Variants in TRPA1 observed in about 807,000 individuals in gnomAD.
The protein encoded by TRPA1 is transient receptor potential cation channel subfamily A member 1.
Under a neutral mutation model 131.3 loss-of-function variants are expected in TRPA1, and 129 were observed. The ratio of observed to expected loss-of-function variants is 0.98; its 90% CI spans 0.85 to 1.14. The LOEUF (loss-of-function observed/expected upper bound fraction) is 1.14, where lower values mean the gene tolerates loss of function less well. TRPA1 is among the 50% of genes most tolerant of loss of function. The pLI, the probability that TRPA1 is intolerant of heterozygous loss-of-function variation, is 0.00. For missense variants in TRPA1, 1,304 were observed against 1,354.2 expected, an observed-to-expected ratio of 0.96 and a Z score of 0.58; for synonymous variants, 441 against 451.7, an observed-to-expected ratio of 0.98 and a Z score of 0.30.
At chr8:72,080,039 T>C (rs1228935919), upstream of TRPA1, among the ~76,000 whole-genome samples, 1 of 151,974 alleles carries the variant, frequency 6.6e-6, no homozygotes, top group Non-Finnish European at 1.5e-5. Context: ...TTATTAATTC[T>C]AGTAGATTTT....
At chr8:72,082,737 T>C in the TRPA1 span, among the ~76,000 whole-genome samples, 1 of 152,058 alleles carries the variant, frequency 6.6e-6, no homozygotes, top group Non-Finnish European at 1.5e-5. Context: ...TCAAGATTTT[T>C]CTCTGTCTTT....
intron 12 of TRPA1, chr8:72,054,307 T>G: frequency 4.7e-6 from 1 of 214,752 alleles, no homozygotes; most frequent in Non-Finnish European, 9.4e-6. Flanking sequence ...GTAATACTAC[T>G]AGTAATATGA....
the TRPA1 span, among the ~76,000 whole-genome samples, chr8:72,081,126 A>G: frequency 6.6e-6 from 1 of 151,280 alleles, no homozygotes. Context: ...TCAGTTGTTG[A>G]TTTTGGATCT....
chr8:72,043,610 A>C (rs180943077), intron 17 of TRPA1, among the ~76,000 whole-genome samples: 1 of 151,764 alleles, frequency 6.6e-6, no homozygotes, highest in East Asian at 1.9e-4. Flanking sequence ...TATCCTTTCA[A>C]TTTTCTCCCT....
upstream of TRPA1, among the ~76,000 whole-genome samples, chr8:72,080,230 G>A (rs1563410783): frequency 6.6e-6 from 1 of 151,704 alleles, no homozygotes; most frequent in African/African-American, 2.4e-5. Flanking sequence ...CCAATCTTAG[G>A]GGGAAAGCAA....
At chr8:72,068,918 G>T in intron 3 of TRPA1, 105 bp downstream of exon 3, 1 of 1,155,196 alleles carries the variant, frequency 8.7e-7, no homozygotes, top group Non-Finnish European at 1.3e-6. Flanking sequence ...TGTTTGCCAT[G>T]GAAGCTTAGA....
chr8:72,025,548 G>T (rs1205311123), intron 25 of TRPA1, among the ~76,000 whole-genome samples: 1 of 152,110 alleles, frequency 6.6e-6, no homozygotes, highest in African/African-American at 2.4e-5. Context: ...GTGTAAATGT[G>T]TGTTCTTTAT....
chr8:72,088,711 C>T, the TRPA1 span, among the ~76,000 whole-genome samples: 1 of 152,084 alleles, frequency 6.6e-6, no homozygotes, highest in Non-Finnish European at 1.5e-5. Context: ...AAATTACACA[C>T]CCACACCCAC....
intron 23 of TRPA1, among the ~76,000 whole-genome samples, chr8:72,031,313 T>C (rs372808795): frequency 1.3e-3 from 204 of 152,240 alleles, no homozygotes; most frequent in African/African-American, 4.7e-3. Context: ...GCGCAGCATT[T>C]TACATCTGTA....
intron 16 of TRPA1, 41 bp downstream of exon 16, chr8:72,047,107 A>C (rs774819724): frequency 4.2e-6 from 6 of 1,430,912 alleles, no homozygotes; most frequent in Admixed American, 3.4e-5. Flanking sequence ...AAAGAATTAT[A>C]ACAAAATAAA....
rs181695466 is a variant in TRPA1 at position 72,039,177 on chromosome 8, T to G, written c.2133-150A>C. On this transcript the variant is annotated intron_variant, in intron 18 of 26. Transcript: ENST00000262209. ...GATCAAGTAAATCTTCTAATTCACC[T>G]TTTTCATTTTCAGAGAAGGAACCTC... 3,531 of 782,030 alleles carry G rather than the reference T, an allele frequency of 4.5e-3. 7 individuals are homozygous for G. The highest frequency in any genetic ancestry group is 7.8e-3 in the Middle Eastern group (21 of 2,690). 48.4% of individuals were successfully genotyped at this position (782,030 alleles called of 1,614,324 possible).
chr8:72,078,979 T>C (rs1313456142), upstream of TRPA1, among the ~76,000 whole-genome samples: 2 of 152,016 alleles, frequency 1.3e-5, no homozygotes, highest in Admixed American at 6.5e-5. Flanking sequence ...GAGTCTCTAA[T>C]TAGTATTTCC....
intron 5 of TRPA1, 108 bp downstream of exon 5, chr8:72,063,355 G>T (rs1805852337): frequency 1.3e-6 from 1 of 772,372 alleles, no homozygotes; most frequent in Non-Finnish European, 2.1e-6. Context: ...ACTCCAGCCT[G>T]GGTGACAGAG....
Position 72,023,128 on chromosome 8 carries a change from T to C in TRPA1, c.3150-12A>G, listed in dbSNP as rs771147928. On this transcript the variant is annotated splice_polypyrimidine_tract_variant and intron_variant, in intron 26 of 26. Transcript: ENST00000262209. ...TAAGATCCTTCAGCCTAAAAGGACA[T>C]ACACATTTCATGAATTTATTTTCAG... The C allele has an allele frequency of 7.5e-6, 12 of 1,610,428 alleles. No homozygotes were observed. Among genetic ancestry groups the C allele is most frequent in the Non-Finnish European group, 1.0e-5 (12 of 1,178,472 alleles).
chr8:72,033,596 A>G (rs781198252), intron 23 of TRPA1, 48 bp downstream of exon 23: 4 of 1,502,320 alleles, frequency 2.7e-6, no homozygotes, highest in Admixed American at 1.7e-5. Flanking sequence ...TCATTATAAA[A>G]TGTTTCAAAT....
upstream of TRPA1, among the ~76,000 whole-genome samples, chr8:72,077,146 A>G (rs1047708646): frequency 6.6e-6 from 1 of 152,134 alleles, no homozygotes; most frequent in Non-Finnish European, 1.5e-5. Context: ...TTCTCACAAC[A>G]CTTAGCTGGA....
Position 72,069,791 on chromosome 8 carries a change from GGA to G in TRPA1, c.269-595_269-594del, listed in dbSNP as rs139984689. On this transcript the variant is annotated intron_variant, in intron 2 of 26. Transcript: ENST00000262209. Reference sequence around the variant, plus strand: ...TTCATATACCTACACACACACACAGGGAGAGAGAGAGAGAGAAGAGAACGAGA... The same window carrying G: ...TTCATATACCTACACACACACACAGGGAGAGAGAGAGAGAAGAGAACGAGA... Among the ~76,000 whole-genome samples, 9 of 150,070 alleles carry G rather than the reference GGA, an allele frequency of 6.0e-5. No individual in the cohort carries two copies. The East Asian group carries it at 9.8e-4, about 16-fold the overall frequency.
rs575365833 is a variant in TRPA1, at chr8:72,029,335, A to G, written c.2937+566T>C. 3.3e-5 allele frequency among the ~76,000 whole-genome samples: 5 copies of G among 152,272 alleles called. No homozygotes were observed. In the South Asian group the frequency reaches 6.2e-4, roughly 19 times the overall value. On this transcript the variant is annotated intron_variant, in intron 24 of 26. Transcript: ENST00000262209. Reference sequence around the variant, plus strand: ...TACCTGGGTGGCCACATTTTAACATAACAAAAGATGCTCAGGCAATTTCTC... The same window carrying G: ...TACCTGGGTGGCCACATTTTAACATGACAAAAGATGCTCAGGCAATTTCTC...
chr8:72,063,876 C>T (rs985930978), intron 4 of TRPA1, among the ~76,000 whole-genome samples: 1 of 152,100 alleles, frequency 6.6e-6, no homozygotes, highest in African/African-American at 2.4e-5. Context: ...AAGACATTAT[C>T]ATGACTTCCA....
Sources: gnomAD v4.1 joint callset for allele counts (sites outside exome capture counted in the v4.1 genomes callset) on GRCh38, gnomAD v4.1.1 for gene constraint, MANE v1.5 for transcripts, NCBI Gene and HGNC (gene_info 2026-07-23, HGNC 2026-07-21) for gene names.